Variants in IQSEC1 observed in about 807,000 individuals in gnomAD.
IQSEC1 encodes the protein IQ motif and Sec7 domain ArfGEF 1, also known as IQ motif and SEC7 domain-containing protein 1.
In IQSEC1, 31 loss-of-function variants were observed where a neutral mutation model predicts 91.0. The ratio of observed to expected loss-of-function variants is 0.34; its 90% CI spans 0.26 to 0.46. IQSEC1 has a LOEUF of 0.46. Ranked by LOEUF, IQSEC1 falls within the 20% of genes least tolerant of loss-of-function variation. The pLI is 1.00. For synonymous variants in IQSEC1, 699 were observed against 662.6 expected, an observed-to-expected ratio of 1.05 and a Z score of -0.84; for missense variants, 1,388 against 1,575.6, an observed-to-expected ratio of 0.88 and a Z score of 2.02.
chr3:13,223,498 T>C (rs533531605), intron 1 of IQSEC1, among the ~76,000 whole-genome samples: 33 of 152,234 alleles, frequency 2.2e-4, no homozygotes, highest in Middle Eastern at 3.4e-3. Context: ...GCAGAACTCC[T>C]TGGGGATGGC....
chr3:13,247,038 G>C (rs912791996), intron 1 of IQSEC1, among the ~76,000 whole-genome samples: 3 of 152,176 alleles, frequency 2.0e-5, no homozygotes, highest in Non-Finnish European at 4.4e-5. Flanking sequence ...CTTTCAGCTT[G>C]TGGGACCACT....
chr3:13,058,536 A>G (rs1484164894), intron 1 of IQSEC1, among the ~76,000 whole-genome samples: 1 of 152,232 alleles, frequency 6.6e-6, no homozygotes, highest in African/African-American at 2.4e-5. Flanking sequence ...GAAGTCACAC[A>G]GCAGGTGAGG....
At chr3:13,162,040 T>TGAC (rs1707187792) in intron 2 of IQSEC1, among the ~76,000 whole-genome samples, 1 of 152,178 alleles carries the variant, frequency 6.6e-6, no homozygotes, top group Non-Finnish European at 1.5e-5. Flanking sequence ...AATGCTTTCC[T>TGAC]GATGATCCGC....
At position 12,935,467 on chromosome 3, in the gene IQSEC1, C is replaced by T. The variant is rs751000548; in HGVS notation, c.1549G>A (p.Gly517Ser). The T allele has an allele frequency of 8.7e-6, 14 of 1,612,186 alleles. No individual in the cohort carries two copies. Among genetic ancestry groups the T allele is most frequent in the Middle Eastern group, 1.6e-4 (1 of 6,076 alleles). The change falls in exon 3 of 14, where the codon GGC becomes AGC. Residue 517 changes from glycine (G) to serine (S), a missense_variant. Physicochemically the swap from Gly to Ser is moderately conservative, Grantham distance 56 (BLOSUM62 0). This residue lies in a region of IQSEC1 where 1,059 missense variants were observed against 1,317.8 expected (regional missense o/e 0.80). Transcript: ENST00000613206. This position sits in a 1 kb window ranked among gnomAD's most constrained non-coding sequence, Gnocchi z 8.0. Reference sequence around the variant, plus strand: ...ACTCACTTGTTGAAGAGGTTCAGGCCGATGCGGTAGTGCCTCTTGCGGATG... The same window carrying T: ...ACTCACTTGTTGAAGAGGTTCAGGCTGATGCGGTAGTGCCTCTTGCGGATG... ...DVIRKRHYRI[G>S]LNLFNKKPEK...
At chr3:13,114,486 C>T (rs1293634842) in intron 2 of IQSEC1, among the ~76,000 whole-genome samples, 1 of 152,082 alleles carries the variant, frequency 6.6e-6, no homozygotes, top group Non-Finnish European at 1.5e-5. Context: ...CTGGGTCTGA[C>T]ATTTTTTAAA....
At chr3:13,033,998 G>T (rs940435637) in intron 1 of IQSEC1, among the ~76,000 whole-genome samples, 1 of 152,172 alleles carries the variant, frequency 6.6e-6, no homozygotes, top group Non-Finnish European at 1.5e-5. Flanking sequence ...TCTTATAAGG[G>T]TGCCAGTCAG....
Position 13,259,873 on chromosome 3 carries a change from T to C in IQSEC1, c.272+22838A>G, listed in dbSNP as rs1695352315. On this transcript the variant is annotated intron_variant, in intron 1 of 15. Transcript: ENST00000648114. The surrounding 1 kb of genome is among the most constrained non-coding windows in gnomAD (Gnocchi z 4.6). ...CTCAGCGGGAGAAGTTTCTACCATA[T>C]ACAGTTATTAATGACTTTATTTATA... Among the ~76,000 whole-genome samples the C allele has an allele frequency of 6.6e-6, 1 of 152,268 alleles. No individual in the cohort carries two copies. The highest frequency in any genetic ancestry group is 1.5e-5 in the Non-Finnish European group (1 of 68,050).
At chr3:13,019,072 C>G (rs1703277953) in intron 1 of IQSEC1, among the ~76,000 whole-genome samples, 1 of 152,234 alleles carries the variant, frequency 6.6e-6, no homozygotes, top group South Asian at 2.1e-4. Context: ...GCATGGCTCC[C>G]CCCCAACTCT....
At chr3:13,247,566 G>C (rs977569284) in intron 1 of IQSEC1, among the ~76,000 whole-genome samples, 1 of 152,202 alleles carries the variant, frequency 6.6e-6, no homozygotes. Context: ...CTTCAGCCTG[G>C]AGCTGAAGCA....
intron 2 of IQSEC1, among the ~76,000 whole-genome samples, chr3:13,112,397 C>G (rs1421549052): frequency 6.6e-6 from 1 of 152,268 alleles, no homozygotes; most frequent in African/African-American, 2.4e-5. Context: ...CACCTGCCAA[C>G]AGTCCGGAAG....
intron 1 of IQSEC1, among the ~76,000 whole-genome samples, chr3:13,044,944 G>T (rs1473578713): frequency 6.6e-6 from 1 of 152,260 alleles, no homozygotes; most frequent in South Asian, 2.1e-4. Flanking sequence ...CCTAGTCCTG[G>T]ACCTGGCACC....
chr3:13,282,801 A>T lies in IQSEC1; in HGVS notation c.182T>A (p.Leu61Gln), dbSNP rs1695820878. Among the ~76,000 whole-genome samples the T allele has an allele frequency of 6.8e-6, 1 of 146,606 alleles. No homozygotes were observed. The highest frequency in any genetic ancestry group is 2.5e-5 in the African/African-American group (1 of 40,428). Residue 61 changes from leucine to glutamine, a missense_variant, in exon 1 of 16, where the codon CTG (leucine) becomes CAG (glutamine). By Grantham distance (113) the Leu-to-Gln change is moderately radical (BLOSUM62 -2). Transcript: ENST00000648114. This position sits in a 1 kb window ranked among gnomAD's most constrained non-coding sequence, Gnocchi z 6.4. ...GTCGGGGCGGCGGGCGCACGCGGCCAGGTGTCGCCGGTGTCGCTCCAGCAG... is the reference window on the plus strand; with the variant it reads ...GTCGGGGCGGCGGGCGCACGCGGCCTGGTGTCGCCGGTGTCGCTCCAGCAG...
intron 2 of IQSEC1, among the ~76,000 whole-genome samples, chr3:12,938,751 C>T (rs1698472242): frequency 1.3e-5 from 2 of 152,172 alleles, no homozygotes; most frequent in South Asian, 2.1e-4. Flanking sequence ...CCCCGCAGGG[C>T]CTTCTCACCT....
At chr3:13,022,237 G>C (rs1006571128) in intron 1 of IQSEC1, 4 of 1,227,532 alleles carry the variant, frequency 3.3e-6, no homozygotes, top group Non-Finnish European at 4.1e-6. Context: ...GAAGAAGAAA[G>C]AAAAGCCCCC....
chr3:13,026,549 G>A (rs1463981612), intron 1 of IQSEC1, among the ~76,000 whole-genome samples: 3 of 152,196 alleles, frequency 2.0e-5, no homozygotes, highest in East Asian at 3.8e-4. Flanking sequence ...GAGCCTGGTG[G>A]GGCTGGCCTT....
In IQSEC1 at chr3:12,935,348, G is replaced by C. The variant is rs537780981; in HGVS notation, c.1568+100C>G. ...GCTTCCTATGCTCATAGGCCACGGT[G>C]GACCTCAAGCTCCGTGCTTGGAAGG... is the stretch of plus-strand genomic sequence containing the variant. On this transcript the variant is annotated intron_variant, in intron 3 of 13. Coordinates refer to ENST00000613206, the MANE Select transcript of IQSEC1 (RefSeq NM_001134382.3). The surrounding 1 kb of genome is among the most constrained non-coding windows in gnomAD (Gnocchi z 8.0). The C allele has an allele frequency of 8.3e-7, 1 of 1,199,430 alleles. No individual in the cohort carries two copies. The highest frequency in any genetic ancestry group is 2.4e-5 in the East Asian group (1 of 41,938). The allele number at this position is 1,199,430 out of a possible 1,614,324, so 74.3% of individuals were successfully genotyped here. A position where few individuals can be genotyped will look rare whatever the true frequency, so the allele number is the denominator to read the frequency against.
At position 13,214,005 on chromosome 3, in the gene IQSEC1, G is replaced by A. The variant is rs957981546; in HGVS notation, c.273-49872C>T. ...CAACCTGGACCCATCGCTCTCCCCC[G>A]GGCTCTTCCTGGTCCCTCCCCGCCA... On this transcript the variant is annotated intron_variant, in intron 1 of 15. Transcript: ENST00000648114. This position sits in a 1 kb window ranked among gnomAD's most constrained non-coding sequence, Gnocchi z 4.5. Among the ~76,000 whole-genome samples, 8 of 151,916 alleles carry A rather than the reference G, an allele frequency of 5.3e-5. No individual in the cohort carries two copies. The highest frequency in any genetic ancestry group is 7.4e-5 in the Non-Finnish European group (5 of 67,980).
chr3:13,023,479 G>T (rs1372602462), intron 1 of IQSEC1, among the ~76,000 whole-genome samples: 2 of 152,174 alleles, frequency 1.3e-5, no homozygotes, highest in East Asian at 3.9e-4. Flanking sequence ...CCCAGCACCT[G>T]GCACCCAGCA....
chr3:13,090,217 C>A (rs1233718269), intron 2 of IQSEC1, among the ~76,000 whole-genome samples: 78 of 141,520 alleles, frequency 5.5e-4, no homozygotes, highest in East Asian at 1.3e-3. Flanking sequence ...GACTCTGTCT[C>A]AAAAAAAATA....
Sources: gnomAD v4.1 joint callset for allele counts (sites outside exome capture counted in the v4.1 genomes callset) on GRCh38, gnomAD v4.1.1 for gene constraint, gnomAD v4.1.1 regional missense constraint, Gnocchi (gnomAD v3.1) non-coding constraint, MANE v1.5 for transcripts, NCBI Gene and HGNC (gene_info 2026-07-23, HGNC 2026-07-21) for gene names.